Variants in GPC6 observed in about 807,000 individuals in gnomAD.
The protein encoded by GPC6 is glypican-6.
Under a neutral mutation model 55.2 loss-of-function variants are expected in GPC6, and 14 were observed. The ratio of observed to expected loss-of-function variants is 0.25; its 90% CI spans 0.17 to 0.40. The LOEUF is 0.40. Among genes scored for constraint, GPC6 ranks in the 10% least tolerant of loss-of-function variants. The pLI is 1.00. For synonymous variants in GPC6, 278 were observed against 259.6 expected (o/e 1.07, Z -0.68); for missense variants, 641 against 708.5 (o/e 0.90, Z 1.08).
intron 1 of GPC6, among the ~76,000 whole-genome samples, chr13:93,317,370 G>A (rs960993631): frequency 1.3e-5 from 2 of 152,042 alleles, no homozygotes; most frequent in African/African-American, 4.8e-5. Flanking sequence ...GAGATTTGAC[G>A]AAAGCTCTGC....
At chr13:94,211,696 A>G (rs1243551881) in intron 4 of GPC6, among the ~76,000 whole-genome samples, 1 of 152,230 alleles carries the variant, frequency 6.6e-6, no homozygotes, top group Non-Finnish European at 1.5e-5. Context: ...TTAAAGAGTT[A>G]GTAACTTGTG....
At chr13:93,692,098 A>G (rs1179709801) in intron 2 of GPC6, among the ~76,000 whole-genome samples, 2 of 152,080 alleles carry the variant, frequency 1.3e-5, no homozygotes, top group African/African-American at 4.8e-5. Context: ...GTTAGTAAAT[A>G]AAGTTGCTAA....
intron 1 of GPC6, among the ~76,000 whole-genome samples, chr13:93,406,029 C>A (rs945120846): frequency 7.5e-6 from 1 of 133,204 alleles, no homozygotes; most frequent in East Asian, 1.9e-4. Context: ...ACATAAGCCA[C>A]AAGTCTTCTT....
chr13:93,433,006 A>T (rs1008045101), intron 1 of GPC6, among the ~76,000 whole-genome samples: 1 of 152,098 alleles, frequency 6.6e-6, no homozygotes, highest in African/African-American at 2.4e-5. Flanking sequence ...AAAGACTCTC[A>T]GAGCTTATAT....
intron 1 of GPC6, among the ~76,000 whole-genome samples, chr13:93,237,682 T>C (rs1384182667): frequency 6.6e-6 from 1 of 152,112 alleles, no homozygotes; most frequent in East Asian, 1.9e-4. Flanking sequence ...TTTCATTCTA[T>C]AATTTTAATG....
intron 4 of GPC6, among the ~76,000 whole-genome samples, chr13:94,116,275 A>G (rs1017139541): frequency 3.9e-5 from 6 of 152,052 alleles, no homozygotes; most frequent in African/African-American, 7.2e-5. Context: ...TGAAATGCCT[A>G]CTACATTCTG....
At position 94,300,139 on chromosome 13, in the gene GPC6, G is replaced by C. The variant is rs1432205654; in HGVS notation, c.1009-5841G>C. 2.0e-5 allele frequency among the ~76,000 whole-genome samples: 3 copies of C among 152,150 alleles called. No homozygotes were observed. The East Asian group carries it at 5.8e-4, about 29-fold the overall frequency. On this transcript the variant is annotated intron_variant, in intron 5 of 8. Transcript: ENST00000377047. ...CCCCATTATGGAAACCTGCTGAGTA[G>C]AAAGTGGGAAGACAGAATTTTTAAA...
chr13:93,765,144 A>C (rs1027566656), intron 2 of GPC6, among the ~76,000 whole-genome samples: 2 of 130,548 alleles, frequency 1.5e-5, no homozygotes, highest in Non-Finnish European at 3.4e-5. Context: ...TTATAGGTCC[A>C]TTTAGATATA....
intron 1 of GPC6, among the ~76,000 whole-genome samples, chr13:93,287,445 G>T (rs1425763781): frequency 6.6e-6 from 1 of 152,106 alleles, no homozygotes; most frequent in Admixed American, 6.6e-5. Context: ...TTCTCACCCA[G>T]GAATTGGCCA....
intron 4 of GPC6, among the ~76,000 whole-genome samples, chr13:94,222,719 C>T (rs1179586257): frequency 6.6e-6 from 1 of 152,098 alleles, no homozygotes; most frequent in Non-Finnish European, 1.5e-5. Context: ...AAGTATCTAA[C>T]AGAGAAAGTT....
intron 2 of GPC6, among the ~76,000 whole-genome samples, chr13:93,756,074 A>G (rs1271765314): frequency 2.6e-5 from 4 of 152,014 alleles, no homozygotes; most frequent in African/African-American, 2.4e-5. Context: ...TTCTATCTCT[A>G]TTTCTTTTTT....
At chr13:93,813,877 T>C (rs958088656) in intron 2 of GPC6, among the ~76,000 whole-genome samples, 2 of 152,086 alleles carry the variant, frequency 1.3e-5, no homozygotes, top group Non-Finnish European at 2.9e-5. Flanking sequence ...AAATTAAATA[T>C]AAAGATCATA....
chr13:93,238,523 A>AACAG (rs34257839), intron 1 of GPC6, among the ~76,000 whole-genome samples: 39,005 of 151,746 alleles, frequency 0.26, 5,100 homozygotes, highest in African/African-American at 0.32. Context: ...ATCATTGGCA[A>AACAG]ACATAGTTTG....
intron 4 of GPC6, among the ~76,000 whole-genome samples, chr13:94,056,603 A>G (rs945799464): frequency 6.6e-6 from 1 of 152,210 alleles, no homozygotes; most frequent in African/African-American, 2.4e-5. Flanking sequence ...AATCTGGAAG[A>G]TGAGCGTCAG....
chr13:94,179,793 T>C (rs1357910918), intron 4 of GPC6, among the ~76,000 whole-genome samples: 1 of 152,190 alleles, frequency 6.6e-6, no homozygotes, highest in Non-Finnish European at 1.5e-5. Context: ...TCTTTTTTTC[T>C]ATGTATTTTT....
At chr13:93,556,662 A>C (rs1315720060) in intron 2 of GPC6, among the ~76,000 whole-genome samples, 1 of 151,524 alleles carries the variant, frequency 6.6e-6, no homozygotes, top group Non-Finnish European at 1.5e-5. Flanking sequence ...TTTTTTTTTA[A>C]CCTGTTAGCC....
At chr13:94,167,522 A>G (rs962530124) in intron 4 of GPC6, among the ~76,000 whole-genome samples, 5 of 152,164 alleles carry the variant, frequency 3.3e-5, no homozygotes, top group Non-Finnish European at 7.3e-5. Flanking sequence ...CAATGTCTTC[A>G]TTTTTCAAGC....
At chr13:93,704,379 C>T (rs1402031077) in intron 2 of GPC6, among the ~76,000 whole-genome samples, 1 of 151,816 alleles carries the variant, frequency 6.6e-6, no homozygotes, top group Non-Finnish European at 1.5e-5. Context: ...TAAAAGCTAG[C>T]AAAGAAGCAT....
intron 2 of GPC6, among the ~76,000 whole-genome samples, chr13:93,747,385 T>C (rs1884431678): frequency 6.6e-6 from 1 of 152,258 alleles, no homozygotes; most frequent in Admixed American, 6.5e-5. Flanking sequence ...AAACCTAGTA[T>C]CTTCCTGAAA....
Sources: gnomAD v4.1 joint callset for allele counts (sites outside exome capture counted in the v4.1 genomes callset) on GRCh38, gnomAD v4.1.1 for gene constraint, MANE v1.5 for transcripts, NCBI Gene and HGNC (gene_info 2026-07-23, HGNC 2026-07-21) for gene names.